The following TLN2 variants were observed in gnomAD, a reference collection of about 807,000 sequenced individuals.
TLN2 encodes talin 2, also known as talin-2.
In TLN2, 118 loss-of-function variants were observed where a neutral mutation model predicts 294.7. The observed-to-expected ratio is 0.40, with a 90% CI of 0.34 to 0.47. The LOEUF (loss-of-function observed/expected upper bound fraction) is 0.47. TLN2 is among the 20% of genes least tolerant of loss of function. The probability of loss-of-function intolerance (pLI) is 0.84; values close to 1 mark genes in which losing one functional copy is unlikely to be tolerated. For synonymous variants in TLN2, 1,431 were observed against 1,304.5 expected, an observed-to-expected ratio of 1.10 and a Z score of -2.09; for missense variants, 3,083 against 3,282.2, an observed-to-expected ratio of 0.94 and a Z score of 1.48.
intron 1 of TLN2, among the ~76,000 whole-genome samples, chr15:62,507,548 C>T (rs1157681775): frequency 6.6e-6 from 1 of 152,182 alleles, no homozygotes; most frequent in East Asian, 1.9e-4. Flanking sequence ...AGGCAGAGCA[C>T]AGGTGGGTGG....
chr15:62,669,657 TTC>T (rs2140994590), intron 9 of TLN2, among the ~76,000 whole-genome samples: 1 of 152,306 alleles, frequency 6.6e-6, no homozygotes, highest in African/African-American at 2.4e-5. Flanking sequence ...GACCCATTTT[TTC>T]TCTGACAAGG....
chr15:62,714,307 A>G (rs1348843172), intron 22 of TLN2, among the ~76,000 whole-genome samples: 1 of 144,160 alleles, frequency 6.9e-6, no homozygotes, highest in East Asian at 2.1e-4. Flanking sequence ...GGTTCACGCC[A>G]TTCTCCTGCC....
At chr15:62,618,581 A>G (rs375566313) in intron 3 of TLN2, among the ~76,000 whole-genome samples, 106 bp downstream of exon 3, 1 of 152,266 alleles carries the variant, frequency 6.6e-6, no homozygotes, top group East Asian at 1.9e-4. Context: ...ACACTAATAC[A>G]CTGATGAGGG....
At chr15:62,485,357 G>T (rs1296397737) in intron 1 of TLN2, among the ~76,000 whole-genome samples, 2 of 152,222 alleles carry the variant, frequency 1.3e-5, no homozygotes, top group East Asian at 3.9e-4. Context: ...GGCCGAAGCA[G>T]GTCCAAGGGT....
intron 1 of TLN2, among the ~76,000 whole-genome samples, chr15:62,494,775 C>G (rs1202323666): frequency 6.6e-6 from 1 of 152,118 alleles, no homozygotes; most frequent in Non-Finnish European, 1.5e-5. Flanking sequence ...GTGTGCCCTG[C>G]TCCCACCATG....
At chr15:62,465,517 G>A (rs1270468531) in intron 1 of TLN2, among the ~76,000 whole-genome samples, 2 of 152,126 alleles carry the variant, frequency 1.3e-5, no homozygotes, top group East Asian at 1.9e-4. Flanking sequence ...TGTCGTTCTC[G>A]AAACTATCGG....
intron 32 of TLN2, among the ~76,000 whole-genome samples, chr15:62,747,217 T>C (rs926809449): frequency 1.3e-5 from 2 of 152,222 alleles, no homozygotes; most frequent in Admixed American, 1.3e-4. Context: ...AGAGTCCTTG[T>C]CAATGACTTG....
At chr15:62,803,551 C>T (rs192898900) in intron 50 of TLN2, among the ~76,000 whole-genome samples, 1 of 152,278 alleles carries the variant, frequency 6.6e-6, no homozygotes, top group East Asian at 1.9e-4. Context: ...TTCAAGCTTA[C>T]TAATTATTTC....
At chr15:62,572,837 T>C (rs1555432797) in intron 1 of TLN2, among the ~76,000 whole-genome samples, 1 of 151,966 alleles carries the variant, frequency 6.6e-6, no homozygotes, top group Non-Finnish European at 1.5e-5. Flanking sequence ...CTGTTGCATT[T>C]TGGAATCCCG....
At chr15:62,750,594 GC>G (rs2061877474) in intron 34 of TLN2, 103 bp downstream of exon 34, 1 of 965,358 alleles carries the variant, frequency 1.0e-6, no homozygotes, top group South Asian at 1.3e-5. Context: ...GGTCTGCAGG[GC>G]TAGCCACATG....
intron 1 of TLN2, among the ~76,000 whole-genome samples, chr15:62,506,409 C>A (rs2039624984): frequency 6.6e-6 from 1 of 152,216 alleles, no homozygotes; most frequent in Non-Finnish European, 1.5e-5. Context: ...ATTTATTGAG[C>A]AAATGCATAT....
chr15:62,675,330 G>A lies in TLN2; in HGVS notation c.957+9G>A. On this transcript the variant is annotated intron_variant, in intron 11 of 58. Transcript: ENST00000636159. ...CCTTCTTCCTGGTGAAGGTGAGTTG[G>A]GCAGAATGGGGAGAGTGTTCACCTT... The A allele has an allele frequency of 6.2e-7, 1 of 1,613,602 alleles. No homozygotes were observed. The highest frequency in any genetic ancestry group is 8.5e-7 in the Non-Finnish European group (1 of 1,179,524).
chr15:62,543,716 C>T (rs1394413033), intron 1 of TLN2, among the ~76,000 whole-genome samples: 3 of 146,280 alleles, frequency 2.1e-5, no homozygotes, highest in South Asian at 2.2e-4. Context: ...GATCGTGCCA[C>T]TGCACTCCAG....
At chr15:62,494,470 T>C (rs1296888092) in intron 1 of TLN2, among the ~76,000 whole-genome samples, 1 of 152,130 alleles carries the variant, frequency 6.6e-6, no homozygotes, top group African/African-American at 2.4e-5. Flanking sequence ...GGCTACACTT[T>C]GTTAACCTTT....
At chr15:62,630,069 C>T (rs2049640439) in intron 3 of TLN2, among the ~76,000 whole-genome samples, 1 of 152,042 alleles carries the variant, frequency 6.6e-6, no homozygotes, top group South Asian at 2.1e-4. Flanking sequence ...AACGAGCTGC[C>T]AGAATGATCA....
intron 48 of TLN2, among the ~76,000 whole-genome samples, chr15:62,798,254 A>T (rs910995810): frequency 2.0e-5 from 3 of 152,150 alleles, no homozygotes; most frequent in Non-Finnish European, 2.9e-5. Context: ...AGAGAGAAGA[A>T]CTGGAAGGCT....
At chr15:62,477,902 A>C (rs1032084408) in intron 1 of TLN2, among the ~76,000 whole-genome samples, 1 of 6,314 alleles carries the variant, frequency 1.6e-4, no homozygotes. Context: ...GGGGGGATGG[A>C]GGGGGGGGTG....
intron 1 of TLN2, among the ~76,000 whole-genome samples, chr15:62,503,895 T>C (rs2039441352): frequency 6.6e-6 from 1 of 152,170 alleles, no homozygotes; most frequent in Non-Finnish European, 1.5e-5. Context: ...CTTTGATTCT[T>C]AGTTTTCAGT....
chr15:62,696,786 T>G (rs376859250), intron 14 of TLN2, among the ~76,000 whole-genome samples: 2 of 152,210 alleles, frequency 1.3e-5, no homozygotes, highest in African/African-American at 2.4e-5. Flanking sequence ...TTGAAAGCAT[T>G]TGGGGAAGGT....
Sources: gnomAD v4.1 joint callset for allele counts (sites outside exome capture counted in the v4.1 genomes callset) on GRCh38, gnomAD v4.1.1 for gene constraint, MANE v1.5 for transcripts, NCBI Gene and HGNC (gene_info 2026-07-23, HGNC 2026-07-21) for gene names.